The following PRDM16 variants were observed in gnomAD, a reference collection of about 807,000 sequenced individuals.
PRDM16 encodes the protein PR/SET domain 16.
Under a neutral mutation model 110.6 loss-of-function variants are expected in PRDM16, and 23 were observed. The observed-to-expected ratio is 0.21, with a 90% CI of 0.15 to 0.29. The LOEUF (loss-of-function observed/expected upper bound fraction) is 0.29. Ranked by LOEUF, PRDM16 falls within the 10% of genes least tolerant of loss-of-function variation. The probability of loss-of-function intolerance (pLI) is 1.00; values close to 1 mark genes in which losing one functional copy is unlikely to be tolerated. For missense variants in PRDM16, 1,615 were observed against 1,794.3 expected (o/e 0.90, Z 1.81); for synonymous variants, 799 against 781.8 (o/e 1.02, Z -0.37).
At chr1:3,301,932 C>T (rs987172435) in intron 3 of PRDM16, among the ~76,000 whole-genome samples, 2 of 152,154 alleles carry the variant, frequency 1.3e-5, no homozygotes, top group Admixed American at 6.5e-5. Context: ...TGTTGGTCAC[C>T]GGGGGACTGC....
At chr1:3,237,760 T>C (rs1048565350) in intron 2 of PRDM16, among the ~76,000 whole-genome samples, 8 of 152,102 alleles carry the variant, frequency 5.3e-5, no homozygotes, top group Non-Finnish European at 8.8e-5. Context: ...GCGAACAGAG[T>C]GTTCTTGGAA....
chr1:3,402,239 C>T lies in PRDM16; in HGVS notation c.677-552C>T, dbSNP rs866763367. Among the ~76,000 whole-genome samples, 9 of 147,512 alleles carry T rather than the reference C, an allele frequency of 6.1e-5. No homozygotes were observed. The East Asian group carries it at 1.0e-3, about 17-fold the overall frequency. On this transcript the variant is annotated intron_variant, in intron 5 of 16. Transcript: ENST00000270722. ...GTGGAAGGCTGCTGCCCAGCTGCTA[C>T]AGGCAGGGGAGGCAGGGACGGGCCC...
chr1:3,407,877 C>T (rs1352449624), intron 8 of PRDM16, among the ~76,000 whole-genome samples: 1 of 152,222 alleles, frequency 6.6e-6, no homozygotes, highest in East Asian at 1.9e-4. Flanking sequence ...ACACTCGGCT[C>T]ACCTTTGTGC....
rs761970589 is a variant in PRDM16, at chr1:3,218,744, G to A, written c.388-25343G>A. ...TCTTTTCTACTCTTGGCAGCGAGGG[G>A]TGGCTGAAATCAGATGTGCCCTGGA... On this transcript the variant is annotated intron_variant, in intron 2 of 16. Transcript: ENST00000270722. 1.1e-4 allele frequency among the ~76,000 whole-genome samples: 17 copies of A among 152,164 alleles called. 1 individual carries two copies. Among genetic ancestry groups the A allele is most frequent in the Non-Finnish European group, 2.4e-4 (16 of 68,040 alleles).
intron 1 of PRDM16, among the ~76,000 whole-genome samples, chr1:3,137,461 G>A (rs576937235): frequency 6.6e-6 from 1 of 152,324 alleles, no homozygotes; most frequent in South Asian, 2.1e-4. Context: ...TCTTCCTAGG[G>A]TCCCAGAACA....
At chr1:3,316,747 C>T (rs1641614381) in intron 3 of PRDM16, among the ~76,000 whole-genome samples, 1 of 148,558 alleles carries the variant, frequency 6.7e-6, no homozygotes, top group Non-Finnish European at 1.5e-5. Context: ...AGGCAGGAAA[C>T]AGTGACTGCA....
chr1:3,302,444 A>C (rs1641226752), intron 3 of PRDM16, among the ~76,000 whole-genome samples: 1 of 152,248 alleles, frequency 6.6e-6, no homozygotes. Flanking sequence ...GAATGGCACC[A>C]GTAGACTTGT....
intron 3 of PRDM16, among the ~76,000 whole-genome samples, chr1:3,324,878 C>T (rs1346617719): frequency 6.6e-6 from 1 of 152,176 alleles, no homozygotes; most frequent in African/African-American, 2.4e-5. Flanking sequence ...ACACAGAACC[C>T]TGCCCTGGGC....
chr1:3,114,383 CAG>C (rs1016592716), intron 1 of PRDM16, among the ~76,000 whole-genome samples: 4 of 142,884 alleles, frequency 2.8e-5, no homozygotes, highest in African/African-American at 5.3e-5. Context: ...CAGGTGTAAA[CAG>C]ACGCGCACGC....
chr1:3,271,291 C>T (rs1640448300), intron 3 of PRDM16, among the ~76,000 whole-genome samples: 1 of 152,220 alleles, frequency 6.6e-6, no homozygotes, highest in Admixed American at 6.5e-5. Context: ...CCTGGCTCTG[C>T]AAGATGTCTA....
chr1:3,424,246 C>T (rs1638525305), intron 12 of PRDM16, among the ~76,000 whole-genome samples: 1 of 152,240 alleles, frequency 6.6e-6, no homozygotes, highest in Non-Finnish European at 1.5e-5. Flanking sequence ...CTGCTCAATG[C>T]ACATGTCGCT....
chr1:3,429,964 G>A (rs1638722679), intron 14 of PRDM16, among the ~76,000 whole-genome samples: 1 of 152,222 alleles, frequency 6.6e-6, no homozygotes, highest in Non-Finnish European at 1.5e-5. Flanking sequence ...CAGGGCAGCG[G>A]GAGGCAGTGC....
At chr1:3,332,979 C>T (rs1346874498) in intron 3 of PRDM16, among the ~76,000 whole-genome samples, 1 of 152,216 alleles carries the variant, frequency 6.6e-6, no homozygotes, top group Non-Finnish European at 1.5e-5. Flanking sequence ...CTGCTGCAGA[C>T]TCCTCTGCTG....
At chr1:3,281,105 G>T (rs904789678) in intron 3 of PRDM16, among the ~76,000 whole-genome samples, 1 of 152,238 alleles carries the variant, frequency 6.6e-6, no homozygotes, top group Non-Finnish European at 1.5e-5. Flanking sequence ...GGGGCCATTG[G>T]CATTCTGGAC....
At chr1:3,132,308 T>G (rs1210398007) in intron 1 of PRDM16, among the ~76,000 whole-genome samples, 1 of 152,186 alleles carries the variant, frequency 6.6e-6, no homozygotes, top group African/African-American at 2.4e-5. Context: ...CCCAACTGAT[T>G]CTGTGTCCGG....
chr1:3,177,814 G>T (rs868708825), intron 1 of PRDM16, among the ~76,000 whole-genome samples: 1 of 152,268 alleles, frequency 6.6e-6, no homozygotes, highest in East Asian at 1.9e-4. Context: ...TTTATATGTT[G>T]GCCTGAACTG....
In PRDM16 at chr1:3,143,144, T is replaced by C. The variant is rs1383607449; in HGVS notation, c.38-42981T>C. 6.6e-6 allele frequency among the ~76,000 whole-genome samples: 1 copy of C among 152,168 alleles called. No homozygotes were observed. On this transcript the variant is annotated intron_variant, in intron 1 of 16. Coordinates refer to ENST00000270722, the MANE Select transcript of PRDM16 (RefSeq NM_022114.4). This position sits in a 1 kb window ranked among gnomAD's most constrained non-coding sequence, Gnocchi z 4.5. ...AAAATGAAAGTAAGAAGGGAGACCT[T>C]GTGGCAACCGCAGTGCTGGGCCGGG...
chr1:3,412,664 C>A lies in PRDM16; in HGVS notation c.2467C>A (p.Arg823Ser). ...CCAAAACGGCGGCGGGCGGGAGCCC[C>A]GCAAGAACCACGTCTATGGGGAACG... ...ASQNGGGREP[R>S]KNHVYGERKL... The change falls in exon 9 of 17, where the codon CGC becomes AGC. Residue 823 changes from arginine to serine, a missense_variant. Around this residue, in one of 5 missense-constraint regions of PRDM16, gnomAD observed 772 missense variants for 748.3 expected, o/e 1.03. Transcript: ENST00000270722. 6.6e-7 allele frequency: 1 copy of A among 1,526,264 alleles called. No homozygotes were observed. 94.5% of individuals were successfully genotyped at this position (1,526,264 alleles called of 1,614,324 possible).
At chr1:3,272,941 C>T (rs1640491610) in intron 3 of PRDM16, among the ~76,000 whole-genome samples, 1 of 152,242 alleles carries the variant, frequency 6.6e-6, no homozygotes, top group Non-Finnish European at 1.5e-5. Flanking sequence ...AGTCTCGAGT[C>T]TTGTGTCTGC....
Sources: allele counts gnomAD v4.1 joint callset (sites outside exome capture counted in the v4.1 genomes callset), GRCh38; gene constraint gnomAD v4.1.1; regional missense constraint gnomAD v4.1.1; non-coding constraint Gnocchi (gnomAD v3.1); transcripts MANE v1.5; gene names NCBI Gene and HGNC (gene_info 2026-07-23, HGNC 2026-07-21).